The following KIF21A variants were observed in gnomAD, a reference collection of about 807,000 sequenced individuals.
KIF21A encodes kinesin family member 21A, also known as kinesin-like protein KIF21A.
Under a neutral mutation model 202.9 loss-of-function variants are expected in KIF21A, and 114 were observed. The ratio of observed to expected loss-of-function variants is 0.56; its 90% CI spans 0.48 to 0.66. The LOEUF (loss-of-function observed/expected upper bound fraction) is 0.66, where lower values mean the gene tolerates loss of function less well. KIF21A is among the 30% of genes least tolerant of loss of function. KIF21A has a pLI of 0.00. For missense variants in KIF21A, 1,677 were observed against 1,994.9 expected, an observed-to-expected ratio of 0.84 and a Z score of 3.04; for synonymous variants, 667 against 670.8, an observed-to-expected ratio of 0.99 and a Z score of 0.09.
intron 24 of KIF21A, among the ~76,000 whole-genome samples, chr12:39,327,195 A>T (rs1415975841): frequency 6.6e-6 from 1 of 152,160 alleles, no homozygotes; most frequent in African/African-American, 2.4e-5. Flanking sequence ...TCCCCTTTTA[A>T]TTTTTAATTT....
At chr12:39,323,833 G>T (rs769929458) in intron 26 of KIF21A, among the ~76,000 whole-genome samples, 2 of 152,106 alleles carry the variant, frequency 1.3e-5, no homozygotes, top group Non-Finnish European at 2.9e-5. Flanking sequence ...AGATCCGGCA[G>T]GGTGCGGTGG....
chr12:39,358,951 T>C (rs1948999996), intron 7 of KIF21A, among the ~76,000 whole-genome samples: 2 of 152,344 alleles, frequency 1.3e-5, no homozygotes, highest in Admixed American at 1.3e-4. Flanking sequence ...GATAAATTGA[T>C]TTAGCCACCG....
intron 35 of KIF21A, 89 bp downstream of exon 35, chr12:39,304,732 A>T (rs1278687585): frequency 2.7e-6 from 2 of 745,238 alleles, no homozygotes; most frequent in Non-Finnish European, 4.7e-6. Flanking sequence ...GAAAAAAGAA[A>T]ATAAGAGAAA....
chr12:39,319,954 C>G lies in KIF21A; in HGVS notation c.3731G>C (p.Arg1244Thr). The change falls in exon 28 of 38, where the codon AGA (arginine) becomes ACA (threonine). Residue 1244 changes from arginine to threonine, a missense_variant. By Grantham distance (71) the Arg-to-Thr change is moderately conservative (BLOSUM62 -1). Coordinates refer to ENST00000361418, the MANE Select transcript of KIF21A (RefSeq NM_001173464.2). ...TTTTTCTGCTTTCTCATATGCCTTT[C>G]TCCTTGTTACAGGAGAAGGCTCTGG... ...KIPEPSPVTR[R>T]KAYEKAEKSK... 6.2e-7 allele frequency: 1 copy of G among 1,609,638 alleles called. No individual in the cohort carries two copies. The highest frequency in any genetic ancestry group is 8.5e-7 in the Non-Finnish European group (1 of 1,177,204).
At chr12:39,408,650 T>C (rs1262268951) in intron 1 of KIF21A, among the ~76,000 whole-genome samples, 2 of 152,046 alleles carry the variant, frequency 1.3e-5, no homozygotes, top group Non-Finnish European at 2.9e-5. Context: ...TTTGGTTAGC[T>C]CAAAAACAGA....
chr12:39,341,317 A>G (rs1239439491), intron 14 of KIF21A, among the ~76,000 whole-genome samples, 188 bp downstream of exon 14: 1 of 152,132 alleles, frequency 6.6e-6, no homozygotes, highest in Non-Finnish European at 1.5e-5. Context: ...TGGAAATCAC[A>G]CAATGACTAA....
intron 12 of KIF21A, among the ~76,000 whole-genome samples, chr12:39,344,090 T>C (rs534473535): frequency 1.3e-3 from 191 of 152,268 alleles, no homozygotes; most frequent in African/African-American, 4.3e-3. Context: ...TGTTGTTAAA[T>C]CATTTGGATG....
intron 24 of KIF21A, among the ~76,000 whole-genome samples, chr12:39,329,451 CA>C (rs1405893340): frequency 1.3e-5 from 2 of 149,364 alleles, no homozygotes; most frequent in Non-Finnish European, 3.0e-5. Flanking sequence ...AGGAGGAGAA[CA>C]AGAAGGAGGA....
chr12:39,323,659 A>T (rs1375680449), intron 26 of KIF21A, among the ~76,000 whole-genome samples: 1 of 152,194 alleles, frequency 6.6e-6, no homozygotes, highest in Non-Finnish European at 1.5e-5. Context: ...TCACTAAAGT[A>T]CTAACAGATA....
chr12:39,410,421 A>C (rs896740376), intron 1 of KIF21A, among the ~76,000 whole-genome samples: 2 of 152,216 alleles, frequency 1.3e-5, no homozygotes, highest in African/African-American at 4.8e-5. Context: ...ATAATATCAA[A>C]TCTAAAAAGC....
chr12:39,299,782 T>C (rs1365413371), intron 37 of KIF21A, among the ~76,000 whole-genome samples: 2 of 152,078 alleles, frequency 1.3e-5, no homozygotes, highest in Non-Finnish European at 2.9e-5. Flanking sequence ...TAAAAATAAA[T>C]GAGATCATGT....
At position 39,301,619 on chromosome 12, in the gene KIF21A, C is replaced by G. The variant is rs537501726; in HGVS notation, c.4792G>C (p.Val1598Leu). 22 of 1,614,128 alleles carry G rather than the reference C, an allele frequency of 1.4e-5. No individual in the cohort carries two copies. The highest frequency in any genetic ancestry group is 1.9e-5 in the Non-Finnish European group (22 of 1,180,014). ...CALGVVPDHP[V>L]LLSGCRGGIL... Reference sequence around the variant, plus strand: ...CCCCCTCTGCAGCCACTGAGCAAAACTGGGTGGTCTGGCACCACTCCCAGG... The same window carrying G: ...CCCCCTCTGCAGCCACTGAGCAAAAGTGGGTGGTCTGGCACCACTCCCAGG... The change falls in exon 37 of 38, where the codon GTT (valine) becomes CTT (leucine). Residue 1598 changes from valine to leucine, a missense_variant. Transcript: ENST00000361418.
chr12:39,421,693 AAAATAAAT>A (rs1211314328), intron 1 of KIF21A, among the ~76,000 whole-genome samples: 1 of 145,846 alleles, frequency 6.9e-6, no homozygotes, highest in African/African-American at 2.5e-5. Context: ...ACTCCATCTC[AAAATAAAT>A]AAATAAATAA....
rs533785913 is a variant in KIF21A, at chr12:39,363,042, C to T, written c.1019+56G>A. On this transcript the variant is annotated intron_variant, in intron 7 of 37. Coordinates refer to ENST00000361418, the MANE Select transcript of KIF21A (RefSeq NM_001173464.2). ...TAGTTCTTATAAATCATCTTACAAG[C>T]TTATTTAATAATGAATAATCAAAAG... 1.6e-5 allele frequency: 18 copies of T among 1,099,762 alleles called. 1 individual carries two copies. The South Asian group carries it at 2.3e-4, about 14-fold the overall frequency. The allele number at this position is 1,099,762 out of a possible 1,614,324, so 68.1% of individuals were successfully genotyped here. A position where few individuals can be genotyped will look rare whatever the true frequency, so the allele number is the denominator to read the frequency against.
intron 1 of KIF21A, among the ~76,000 whole-genome samples, chr12:39,373,143 T>C (rs1950066006): frequency 6.6e-6 from 1 of 152,178 alleles, no homozygotes; most frequent in Admixed American, 6.5e-5. Flanking sequence ...GTCAGCTCAC[T>C]ACCCTGCGTA....
chr12:39,400,939 C>G (rs1952125995), intron 1 of KIF21A, among the ~76,000 whole-genome samples: 1 of 152,126 alleles, frequency 6.6e-6, no homozygotes, highest in Non-Finnish European at 1.5e-5. Context: ...CACAAAGGTT[C>G]CTAGAGACAA....
intron 7 of KIF21A, among the ~76,000 whole-genome samples, chr12:39,358,960 C>T (rs561928461): frequency 4.6e-5 from 7 of 152,110 alleles, no homozygotes; most frequent in East Asian, 1.9e-4. Flanking sequence ...ATTTAGCCAC[C>T]GAAGATTAGG....
chr12:39,308,249 G>C (rs141375185), intron 33 of KIF21A, among the ~76,000 whole-genome samples: 1 of 151,738 alleles, frequency 6.6e-6, no homozygotes, highest in Admixed American at 6.6e-5. Flanking sequence ...TTAGCTGGGG[G>C]TGGTGGTGCG....
At chr12:39,399,632 A>G (rs1449447237) in intron 1 of KIF21A, among the ~76,000 whole-genome samples, 2 of 152,230 alleles carry the variant, frequency 1.3e-5, no homozygotes, top group African/African-American at 4.8e-5. Context: ...GTTATCCCAC[A>G]TCTTCTCTCC....
Sources: gnomAD v4.1 joint callset for allele counts (sites outside exome capture counted in the v4.1 genomes callset) on GRCh38, gnomAD v4.1.1 for gene constraint, MANE v1.5 for transcripts, NCBI Gene and HGNC (gene_info 2026-07-23, HGNC 2026-07-21) for gene names.